Variants in MBTD1 observed in about 807,000 individuals in gnomAD.
MBTD1 encodes the protein mbt domain containing 1, also known as MBT domain-containing protein 1.
Under a neutral mutation model 87.8 loss-of-function variants are expected in MBTD1, and 24 were observed. That is an observed-to-expected ratio of 0.27 (90% confidence interval 0.20 to 0.38). MBTD1 has a LOEUF of 0.38. MBTD1 is among the 10% of genes least tolerant of loss of function. MBTD1 has a pLI of 1.00. For synonymous variants in MBTD1, 237 were observed against 248.6 expected (o/e 0.95, Z 0.44); for missense variants, 436 against 760.2 (o/e 0.57, Z 5.02).
intron 10 of MBTD1, among the ~76,000 whole-genome samples, chr17:51,202,488 A>T (rs1453963797): frequency 6.6e-6 from 1 of 152,224 alleles, no homozygotes; most frequent in East Asian, 1.9e-4. Flanking sequence ...TGACCAGAAG[A>T]AGTTCCTTCT....
chr17:51,205,762 A>G (rs1318709205), intron 7 of MBTD1, among the ~76,000 whole-genome samples: 1 of 152,190 alleles, frequency 6.6e-6, no homozygotes, highest in Non-Finnish European at 1.5e-5. Flanking sequence ...GGCTATCTTG[A>G]TCCTTTAAGT....
chr17:51,203,794 T>C lies in MBTD1; in HGVS notation c.736A>G (p.Arg246Gly). 1 of 1,610,014 alleles carries C rather than the reference T, an allele frequency of 6.2e-7. No individual in the cohort carries two copies. The highest frequency in any genetic ancestry group is 1.3e-5 in the African/African-American group (1 of 74,680). Residue 246 changes from arginine to glycine, a missense_variant, in exon 8 of 17, where the codon AGA becomes GGA. Arg to Gly is a moderately radical substitution (Grantham distance 125). This residue lies in a region of MBTD1 where 268 missense variants were observed against 401.8 expected (regional missense o/e 0.67). Transcript: ENST00000586178. ...AASGKPLVPP[R>G]TIQHKYTNWK... ...TAAGGGTAAATAAACTACTTACTTC[T>C]AGGAGGAACAAGAGGTTTTCCGCTG...
chr17:51,212,720 TTAAG>T (rs1394725729), intron 6 of MBTD1, among the ~76,000 whole-genome samples: 2 of 152,220 alleles, frequency 1.3e-5, no homozygotes, highest in Middle Eastern at 3.2e-3. Flanking sequence ...AATTTAGTCT[TTAAG>T]TAATTAAAAA....
chr17:51,246,391 G>A (rs1204107489), intron 2 of MBTD1, among the ~76,000 whole-genome samples: 1 of 152,108 alleles, frequency 6.6e-6, no homozygotes, highest in African/African-American at 2.4e-5. Flanking sequence ...TCAAATTTTG[G>A]AGCATTTTGG....
chr17:51,216,819 A>G (rs970227694), intron 6 of MBTD1, among the ~76,000 whole-genome samples: 1 of 152,148 alleles, frequency 6.6e-6, no homozygotes, highest in Non-Finnish European at 1.5e-5. Flanking sequence ...CCTGACCTCA[A>G]GTGATCCTCC....
chr17:51,192,630 ATAT>A, intron 15 of MBTD1, 149 bp downstream of exon 15: 2 of 1,354,140 alleles, frequency 1.5e-6, no homozygotes, highest in South Asian at 2.9e-5. Flanking sequence ...TGATTCTGTG[ATAT>A]TGTTGTTGAG....
At chr17:51,240,423 C>T (rs2054098692) in intron 2 of MBTD1, among the ~76,000 whole-genome samples, 1 of 152,082 alleles carries the variant, frequency 6.6e-6, no homozygotes, top group South Asian at 2.1e-4. Context: ...GTGAGAATTT[C>T]TCAGGTTTTC....
At chr17:51,190,750 A>AAATAT (rs1555677185) in intron 16 of MBTD1, among the ~76,000 whole-genome samples, 46 of 39,710 alleles carry the variant, frequency 1.2e-3, no homozygotes, top group African/African-American at 2.3e-3. Flanking sequence ...AAAAAAAAAA[A>AAATAT]ATATATATAT....
intron 2 of MBTD1, among the ~76,000 whole-genome samples, chr17:51,226,941 C>T (rs2053253495): frequency 6.7e-6 from 1 of 148,774 alleles, no homozygotes; most frequent in Admixed American, 6.7e-5. Flanking sequence ...AACACACAGA[C>T]GTTTTTAAAA....
intron 3 of MBTD1, 48 bp from the exon 4 acceptor site, chr17:51,220,511 C>A: frequency 1.4e-6 from 2 of 1,436,218 alleles, no homozygotes; most frequent in South Asian, 1.3e-5. Flanking sequence ...ATAATAAAAT[C>A]AATCTTCATC....
intron 6 of MBTD1, among the ~76,000 whole-genome samples, chr17:51,209,789 T>A (rs1233130563): frequency 6.6e-6 from 1 of 152,106 alleles, no homozygotes; most frequent in Non-Finnish European, 1.5e-5. Context: ...TTTATCCCAA[T>A]GAGATGGCAA....
chr17:51,242,570 G>A (rs2054217413), intron 2 of MBTD1, among the ~76,000 whole-genome samples: 1 of 152,006 alleles, frequency 6.6e-6, no homozygotes, highest in Non-Finnish European at 1.5e-5. Context: ...GGTTTCTTTT[G>A]GTTTTTAGTC....
chr17:51,203,031 A>G, intron 9 of MBTD1, 96 bp from the exon 10 acceptor site: 1 of 1,261,686 alleles, frequency 7.9e-7, no homozygotes, highest in East Asian at 2.3e-5. Context: ...TGCACTTGAA[A>G]TGTAACACAG....
chr17:51,207,049 G>C, intron 6 of MBTD1, 44 bp from the exon 7 acceptor site: 1 of 1,048,496 alleles, frequency 9.5e-7, no homozygotes, highest in Non-Finnish European at 1.5e-6. Flanking sequence ...TTAACATAAA[G>C]CCTAAAACAT....
At chr17:51,197,422 T>C (rs1426709739) in intron 12 of MBTD1, among the ~76,000 whole-genome samples, 1 of 151,986 alleles carries the variant, frequency 6.6e-6, no homozygotes, top group Non-Finnish European at 1.5e-5. Flanking sequence ...CTGCAGTATG[T>C]TGCCTTTATC....
At position 51,185,748 on chromosome 17, in the gene MBTD1, A is replaced by ATATT. The variant is rs751240984; in HGVS notation, c.1769-5058_1769-5055dup. 7 of 152,308 alleles carry ATATT rather than the reference A, an allele frequency of 4.6e-5. No homozygotes were observed. The East Asian group carries it at 1.4e-3, about 29-fold the overall frequency. The allele number at this position is 152,308 out of a possible 1,614,324, so 9.4% of individuals were successfully genotyped here. A position where few individuals can be genotyped will look rare whatever the true frequency, so the allele number is the denominator to read the frequency against. On this transcript the variant is annotated intron_variant, in intron 16 of 16. Transcript: ENST00000586178. ...AATGAGGAATGTTCAAAACCATGAA[A>ATATT]TATTCCAAGTTGTCTCACAATTCCA...
At chr17:51,193,349 A>C (rs1411140840) in intron 14 of MBTD1, 79 bp downstream of exon 14, 19 of 963,246 alleles carry the variant, frequency 2.0e-5, no homozygotes, top group Non-Finnish European at 3.0e-5. Flanking sequence ...ATACAAGGCA[A>C]AGACATTTTT....
intron 12 of MBTD1, among the ~76,000 whole-genome samples, 166 bp downstream of exon 12, chr17:51,201,426 G>C (rs940521047): frequency 5.9e-5 from 9 of 152,146 alleles, no homozygotes; most frequent in African/African-American, 1.9e-4. Context: ...AACTATGTAA[G>C]ATCAGAGGAT....
At chr17:51,203,455 C>T (rs980421355) in intron 8 of MBTD1, among the ~76,000 whole-genome samples, 3 of 151,994 alleles carry the variant, frequency 2.0e-5, no homozygotes, top group Non-Finnish European at 2.9e-5. Context: ...CGCTCTGTTG[C>T]CCAGGCTGGA....
Sources: gnomAD v4.1 joint callset for allele counts (sites outside exome capture counted in the v4.1 genomes callset) on GRCh38, gnomAD v4.1.1 for gene constraint, gnomAD v4.1.1 regional missense constraint, MANE v1.5 for transcripts, NCBI Gene and HGNC (gene_info 2026-07-23, HGNC 2026-07-21) for gene names.